The following TIAM2 variants were observed in gnomAD, a reference collection of about 807,000 sequenced individuals.
The protein encoded by TIAM2 is rho guanine nucleotide exchange factor TIAM2.
In TIAM2, 80 loss-of-function variants were observed where a neutral mutation model predicts 152.9. The observed-to-expected ratio is 0.52, with a 90% confidence interval of 0.44 to 0.63. The LOEUF is 0.63. Ranked by LOEUF, TIAM2 falls within the 30% of genes least tolerant of loss-of-function variation. The pLI, the probability that TIAM2 is intolerant of heterozygous loss-of-function variation, is 0.00. For missense variants in TIAM2, 1,965 were observed against 2,120.1 expected (o/e 0.93, Z 1.44); for synonymous variants, 804 against 838.0 (o/e 0.96, Z 0.70).
chr6:155,039,191 G>A (rs1242843642), intron 1 of TIAM2, among the ~76,000 whole-genome samples: 1 of 151,468 alleles, frequency 6.6e-6, no homozygotes, highest in Non-Finnish European at 1.5e-5. Context: ...GAACTCCTGG[G>A]TTCAAGCGAT....
intron 14 of TIAM2, among the ~76,000 whole-genome samples, chr6:155,207,940 T>C (rs942625412): frequency 2.0e-5 from 3 of 152,188 alleles, no homozygotes; most frequent in African/African-American, 7.2e-5. Context: ...AGGATTCACT[T>C]GGCACCCGCT....
intron 1 of TIAM2, among the ~76,000 whole-genome samples, chr6:155,043,891 G>A (rs1007503153): frequency 6.6e-6 from 1 of 152,040 alleles, no homozygotes; most frequent in Non-Finnish European, 1.5e-5. Context: ...TGACAATCAA[G>A]TCTAGATACA....
intron 1 of TIAM2, among the ~76,000 whole-genome samples, chr6:155,024,146 G>T (rs1166539654): frequency 6.6e-6 from 1 of 152,184 alleles, no homozygotes; most frequent in Non-Finnish European, 1.5e-5. Flanking sequence ...TCTTCAGACT[G>T]CGTCTTGCTG....
At position 155,148,374 on chromosome 6, in the gene TIAM2, T is replaced by G. The variant is rs78738048; in HGVS notation, c.2028+40T>G. ...CACCTGAGTTTTCTTCCATTGCTCA[T>G]GTCACTTGTGCAGTGACTGAACGCA... On this transcript the variant is annotated intron_variant, in intron 7 of 26. Transcript: ENST00000682666. 3.9e-3 allele frequency: 6,166 copies of G among 1,564,058 alleles called. 18 individuals are homozygous for G. Among genetic ancestry groups the G allele is most frequent in the Non-Finnish European group, 5.1e-3 (5,824 of 1,145,300 alleles).
chr6:155,129,975 A>G lies in TIAM2; in HGVS notation c.752A>G (p.Asp251Gly), dbSNP rs754457084. 4 of 1,613,132 alleles carry G rather than the reference A, an allele frequency of 2.5e-6. No homozygotes were observed. Among genetic ancestry groups the G allele is most frequent in the Non-Finnish European group, 3.4e-6 (4 of 1,179,876 alleles). ...CTGAGTTCTGAGTCATCCTGGTACG[A>G]CTCCCCTTGGGGCAATGCTGGAGAG... ...SSLSSESSWY[D>G]SPWGNAGELS... The change falls in exon 4 of 27, where the codon GAC becomes GGC. Residue 251 changes from aspartate to glycine, a missense_variant. Asp to Gly is a moderately conservative substitution (Grantham distance 94). Around this residue, in one of 3 missense-constraint regions of TIAM2, gnomAD observed 1,025 missense variants for 1,119.4 expected, o/e 0.92. Transcript: ENST00000682666. This position sits in a 1 kb window ranked among gnomAD's most constrained non-coding sequence, Gnocchi z 4.8.
In TIAM2 at chr6:155,137,663, G is replaced by C. The variant is rs758967626; in HGVS notation, c.1630+51G>C. Reference sequence around the variant, plus strand: ...CCACTGGGGATTGTTTCCGCCAGCCGTGCTCTTTGCCAGGAAGTGCCAAGA... The same window carrying C: ...CCACTGGGGATTGTTTCCGCCAGCCCTGCTCTTTGCCAGGAAGTGCCAAGA... On this transcript the variant is annotated intron_variant, in intron 5 of 26. Transcript: ENST00000682666. 4 of 1,504,140 alleles carry C rather than the reference G, an allele frequency of 2.7e-6. No individual in the cohort carries two copies. In the South Asian group the frequency reaches 5.4e-5, roughly 20 times the overall value. The allele number at this position is 1,504,140 out of a possible 1,614,324, so 93.2% of individuals were successfully genotyped here.
rs565393360 is a variant in TIAM2 at position 155,206,026 on chromosome 6, C to T, written c.3065-5178C>T. ...CCCTTTAACAAATGTTTTGCCCTTT[C>T]GTTGTAAAGGATCTGGGGTTGCCAG... On this transcript the variant is annotated intron_variant, in intron 14 of 26. Coordinates refer to ENST00000682666, the MANE Select transcript of TIAM2 (RefSeq NM_012454.4). Among the ~76,000 whole-genome samples, 13 of 152,256 alleles carry T rather than the reference C, an allele frequency of 8.5e-5. No homozygotes were observed. The South Asian group carries it at 2.1e-3, about 24-fold the overall frequency.
chr6:155,096,643 A>G (rs2114987316), intron 2 of TIAM2, among the ~76,000 whole-genome samples: 1 of 152,214 alleles, frequency 6.6e-6, no homozygotes, highest in East Asian at 1.9e-4. Context: ...ATTTCACTTG[A>G]TGACCTCCAG....
intron 1 of TIAM2, among the ~76,000 whole-genome samples, chr6:155,067,685 G>C (rs1373310088): frequency 6.6e-6 from 1 of 152,106 alleles, no homozygotes; most frequent in Non-Finnish European, 1.5e-5. Context: ...TTGTTGCCCA[G>C]GCTGGAATGC....
intron 4 of TIAM2, among the ~76,000 whole-genome samples, chr6:155,135,665 G>A (rs911478598): frequency 1.3e-5 from 2 of 152,158 alleles, no homozygotes; most frequent in African/African-American, 4.8e-5. Flanking sequence ...TGCATGGCCA[G>A]CTTGATGTTC....
chr6:155,005,012 G>T, intron 1 of TIAM2: 1 of 511,474 alleles, frequency 2.0e-6, no homozygotes, highest in Non-Finnish European at 3.0e-6. Flanking sequence ...ATGTGAAGAG[G>T]CAGAAGGCAG....
At chr6:155,139,326 A>G (rs1779634803) in intron 5 of TIAM2, among the ~76,000 whole-genome samples, 1 of 152,196 alleles carries the variant, frequency 6.6e-6, no homozygotes, top group Non-Finnish European at 1.5e-5. Context: ...TTCATATCCA[A>G]GTGATACCTT....
chr6:155,205,771 A>G (rs1781581924), intron 14 of TIAM2, among the ~76,000 whole-genome samples: 1 of 152,196 alleles, frequency 6.6e-6, no homozygotes, highest in South Asian at 2.1e-4. Flanking sequence ...CCCGTTTCCA[A>G]GAATTCCCCC....
chr6:154,997,611 C>T (rs777279493), intron 1 of TIAM2, among the ~76,000 whole-genome samples: 2 of 142,776 alleles, frequency 1.4e-5, no homozygotes, highest in African/African-American at 2.6e-5. Context: ...GTTCCGTGAA[C>T]GAGTGAAGAA....
At chr6:155,184,057 C>T (rs915338095) in intron 14 of TIAM2, among the ~76,000 whole-genome samples, 2 of 152,170 alleles carry the variant, frequency 1.3e-5, no homozygotes, top group African/African-American at 4.8e-5. Context: ...GGCACAATCT[C>T]AGCTCACTGC....
intron 2 of TIAM2, among the ~76,000 whole-genome samples, chr6:155,104,531 G>A (rs1455513130): frequency 2.0e-5 from 3 of 152,262 alleles, no homozygotes; most frequent in East Asian, 3.9e-4. Context: ...GCCAAGGTGG[G>A]CAGATCATGA....
chr6:155,148,410 T>C, intron 7 of TIAM2, 76 bp downstream of exon 7: 1 of 1,370,896 alleles, frequency 7.3e-7, no homozygotes, highest in Non-Finnish European at 1.0e-6. Context: ...TGCTGTCATC[T>C]TGGTGGTATT....
Position 155,137,619 on chromosome 6 carries a change from G to C in TIAM2, c.1630+7G>C. ...TACTGGGTAACGCTGAAAGGTGAGT[G>C]CAGTGTCACCTGCTGAGGCCACTGG... On this transcript the variant is annotated splice_region_variant and intron_variant, in intron 5 of 26. Transcript: ENST00000682666. 1 of 1,563,306 alleles carries C rather than the reference G, an allele frequency of 6.4e-7. No individual in the cohort carries two copies. The highest frequency in any genetic ancestry group is 8.6e-7 in the Non-Finnish European group (1 of 1,160,604).
At chr6:155,030,275 C>G (rs898342468) in intron 1 of TIAM2, among the ~76,000 whole-genome samples, 4 of 152,076 alleles carry the variant, frequency 2.6e-5, no homozygotes, top group African/African-American at 9.7e-5. Context: ...GGAAAGAGAA[C>G]TTCACAACCA....
Sources: gnomAD v4.1 joint callset for allele counts (sites outside exome capture counted in the v4.1 genomes callset) on GRCh38, gnomAD v4.1.1 for gene constraint, gnomAD v4.1.1 regional missense constraint, Gnocchi (gnomAD v3.1) non-coding constraint, MANE v1.5 for transcripts, NCBI Gene and HGNC (gene_info 2026-07-23, HGNC 2026-07-21) for gene names.